The following FARSB variants were observed in gnomAD, a reference collection of about 807,000 sequenced individuals.
FARSB encodes phenylalanyl-tRNA synthetase subunit beta.
Under a neutral mutation model 69.6 loss-of-function variants are expected in FARSB, and 40 were observed. The observed-to-expected ratio is 0.57, with a 90% CI of 0.45 to 0.75. The LOEUF is 0.75. Ranked by LOEUF, FARSB falls within the 30% of genes least tolerant of loss-of-function variation. The probability of loss-of-function intolerance (pLI) is 0.00; values close to 1 mark genes in which losing one functional copy is unlikely to be tolerated. For missense variants in FARSB, 632 were observed against 722.9 expected, an observed-to-expected ratio of 0.87 and a Z score of 1.44; for synonymous variants, 235 against 247.2, an observed-to-expected ratio of 0.95 and a Z score of 0.46.
chr2:222,630,270 A>T (rs1165068929), intron 8 of FARSB, 96 bp from the exon 9 acceptor site: 2 of 637,208 alleles, frequency 3.1e-6, no homozygotes, highest in Non-Finnish European at 5.3e-6. Flanking sequence ...GTGTCCTCAC[A>T]TCTAATGGAC....
intron 5 of FARSB, among the ~76,000 whole-genome samples, chr2:222,637,416 A>G (rs1691611205): frequency 6.6e-6 from 1 of 152,198 alleles, no homozygotes; most frequent in African/African-American, 2.4e-5. Flanking sequence ...CTCTGAAGAT[A>G]TGCAGAGGGT....
At chr2:222,653,584 C>T (rs1254387334) in intron 1 of FARSB, among the ~76,000 whole-genome samples, 1 of 151,980 alleles carries the variant, frequency 6.6e-6, no homozygotes, top group Non-Finnish European at 1.5e-5. Flanking sequence ...CATTTCTGAC[C>T]TCTTGAAAGT....
At chr2:222,621,663 T>C (rs1691139286) in intron 13 of FARSB, among the ~76,000 whole-genome samples, 3 of 152,208 alleles carry the variant, frequency 2.0e-5, no homozygotes, top group Admixed American at 2.0e-4. Context: ...AGTGAGCCAA[T>C]TTAAAAGAAA....
At chr2:222,591,417 T>C (rs1690272443) in intron 16 of FARSB, among the ~76,000 whole-genome samples, 1 of 152,186 alleles carries the variant, frequency 6.6e-6, no homozygotes, top group South Asian at 2.1e-4. Context: ...ATTTAATTGA[T>C]TTATGAATAG....
chr2:222,604,043 C>T lies in FARSB; in HGVS notation c.1463-3960G>A, dbSNP rs188202333. ...CATCCTGGCTAACATGGTGAAACTC[C>T]GTCTCTACTAAAAATACAAAAAAAA... On this transcript the variant is annotated intron_variant, in intron 15 of 16. Coordinates refer to ENST00000281828, the MANE Select transcript of FARSB (RefSeq NM_005687.5). Among the ~76,000 whole-genome samples the T allele has an allele frequency of 1.6e-3, 238 of 151,700 alleles. 1 individual carries two copies. The highest frequency in any genetic ancestry group is 5.3e-3 in the African/African-American group (219 of 41,388).
intron 16 of FARSB, among the ~76,000 whole-genome samples, chr2:222,594,985 T>C (rs1383348151): frequency 6.6e-6 from 1 of 152,366 alleles, no homozygotes; most frequent in East Asian, 1.9e-4. Context: ...TGTTTAATAT[T>C]GCTTTGTCTT....
At chr2:222,590,874 T>C (rs2106189649) in intron 16 of FARSB, among the ~76,000 whole-genome samples, 1 of 152,310 alleles carries the variant, frequency 6.6e-6, no homozygotes, top group Non-Finnish European at 1.5e-5. Flanking sequence ...TATTTTTATG[T>C]ATGTTTTTAA....
chr2:222,619,634 A>T lies in FARSB; in HGVS notation c.1344+11T>A. On this transcript the variant is annotated intron_variant, in intron 14 of 16. Transcript: ENST00000281828. ...TTTTTACATGAATTCTCACCTACTT[A>T]AAATTCTTACCTGAAATTCAGCTGT... 6.9e-7 allele frequency: 1 copy of T among 1,459,104 alleles called. No individual in the cohort carries two copies. Among genetic ancestry groups the T allele is most frequent in the Non-Finnish European group, 9.6e-7 (1 of 1,040,308 alleles). 90.4% of individuals were successfully genotyped at this position (1,459,104 alleles called of 1,614,324 possible). A position where few individuals can be genotyped will look rare whatever the true frequency, so the allele number is the denominator to read the frequency against.
At chr2:222,654,721 C>G (rs142553684) in intron 1 of FARSB, among the ~76,000 whole-genome samples, 1 of 152,316 alleles carries the variant, frequency 6.6e-6, no homozygotes, top group Admixed American at 6.5e-5. Flanking sequence ...TAGGTACTAT[C>G]TAAAAGTACA....
At chr2:222,655,947 T>A (rs1268167582) in intron 1 of FARSB, 69 bp downstream of exon 1, 9 of 1,270,070 alleles carry the variant, frequency 7.1e-6, no homozygotes, top group Non-Finnish European at 1.0e-5. Context: ...GTCGCCACAT[T>A]GCCCTTTTGG....
rs1178615506 is a variant in FARSB at position 222,567,474 on chromosome 2, T to C, written c.*4397A>G. 1.3e-5 allele frequency: 2 copies of C among 152,194 alleles called. No homozygotes were observed. The highest frequency in any genetic ancestry group is 2.1e-4 in the South Asian group (1 of 4,824). 9.4% of individuals were successfully genotyped at this position (152,194 alleles called of 1,614,324 possible). A position where few individuals can be genotyped will look rare whatever the true frequency, so the allele number is the denominator to read the frequency against. On this transcript the variant is annotated 3_prime_UTR_variant, in exon 17 of 17. Coordinates refer to ENST00000281828, the MANE Select transcript of FARSB (RefSeq NM_005687.5). ...AACACCAAGCACAAATAGATTAAGA[T>C]TGAGAAGCAAGATTGTGAGTAATGT... is the stretch of plus-strand genomic sequence containing the variant.
intron 1 of FARSB, among the ~76,000 whole-genome samples, chr2:222,652,536 C>T (rs1574959353): frequency 6.6e-6 from 1 of 152,324 alleles, no homozygotes; most frequent in South Asian, 2.1e-4. Flanking sequence ...TCGGACCTCT[C>T]CATCTGGGGC....
intron 16 of FARSB, among the ~76,000 whole-genome samples, chr2:222,589,288 G>A (rs975157014): frequency 1.4e-4 from 21 of 152,150 alleles, no homozygotes; most frequent in Non-Finnish European, 1.9e-4. Flanking sequence ...AACAAATGGC[G>A]CTGGGAAAAC....
At position 222,622,113 on chromosome 2, in the gene FARSB, G is replaced by C. The variant is rs114156403; in HGVS notation, c.1251+1537C>G. The stretch of plus-strand genomic sequence containing the variant: ...CTTAAATTAACTGCTGTGAAAGACA[G>C]GAATGCCCACTTCACAGGAGTATAC... On this transcript the variant is annotated intron_variant, in intron 13 of 16. Transcript: ENST00000281828. Among the ~76,000 whole-genome samples, 1,330 of 152,266 alleles carry C rather than the reference G, an allele frequency of 8.7e-3. 7 individuals are homozygous for C. The highest frequency in any genetic ancestry group is 0.013 in the Non-Finnish European group (902 of 68,018).
At chr2:222,587,236 A>G (rs2106186013) in intron 16 of FARSB, among the ~76,000 whole-genome samples, 1 of 152,364 alleles carries the variant, frequency 6.6e-6, no homozygotes, top group Admixed American at 6.5e-5. Context: ...TGGAAACTGG[A>G]CAACGTGCTC....
chr2:222,633,078 T>A (rs574207450), intron 7 of FARSB, 121 bp downstream of exon 7: 1 of 667,888 alleles, frequency 1.5e-6, no homozygotes, highest in East Asian at 2.7e-5. Flanking sequence ...ACAAAAGACC[T>A]GAGATACTCA....
At position 222,633,281 on chromosome 2, in the gene FARSB, TA is replaced by T; in HGVS notation, c.632del (p.Leu211TyrfsTer34). Reference sequence around the variant, plus strand: ...ACAGGGGTTTGTTTTCAATGATATGTAAATAATGTTTCAGGTGATTGTCAGT... The same window carrying T: ...ACAGGGGTTTGTTTTCAATGATATGTAATAATGTTTCAGGTGATTGTCAGT... ...YKTDNHLKHYLHIIENKPLYP... is the reference protein window; with the variant it reads ...YKTDNHLKHYXHIIENKPLYP... On this transcript the variant is annotated frameshift_variant, in exon 7 of 17. Coordinates refer to ENST00000281828, the MANE Select transcript of FARSB (RefSeq NM_005687.5). LOFTEE classifies it high-confidence loss of function. 6.4e-7 allele frequency: 1 copy of T among 1,554,980 alleles called. No homozygotes were observed. Among genetic ancestry groups the T allele is most frequent in the Admixed American group, 1.9e-5 (1 of 52,018 alleles).
In FARSB at chr2:222,648,741, A is replaced by G. The variant is rs1445979690; in HGVS notation, c.113T>C (p.Ile38Thr). Residue 38 changes from isoleucine (I) to threonine (T), a missense_variant and splice_region_variant, in exon 2 of 17, where the codon ATT (isoleucine) becomes ACT (threonine). Ile to Thr is a moderately conservative substitution (Grantham distance 89). Coordinates refer to ENST00000281828, the MANE Select transcript of FARSB (RefSeq NM_005687.5). The stretch of plus-strand genomic sequence containing the variant: ...AATAGACAAATATCCAATACATACA[A>G]TTTCATCAAGCTCCAGACCAAATTC... Reference protein sequence around the residue: ...CFEFGLELDEITSEKEIISKE... With the variant: ...CFEFGLELDETTSEKEIISKE... The G allele has an allele frequency of 6.3e-7, 1 of 1,580,992 alleles. No individual in the cohort carries two copies. Among genetic ancestry groups the G allele is most frequent in the Non-Finnish European group, 8.7e-7 (1 of 1,149,980 alleles).
chr2:222,601,951 T>G (rs114842233), intron 15 of FARSB, among the ~76,000 whole-genome samples: 538 of 152,276 alleles, frequency 3.5e-3, no homozygotes, highest in African/African-American at 0.012. Flanking sequence ...TGTGAGCCAC[T>G]GTGCCCAGCT....
Sources: gnomAD v4.1 joint callset for allele counts (sites outside exome capture counted in the v4.1 genomes callset) on GRCh38, gnomAD v4.1.1 for gene constraint, MANE v1.5 for transcripts, NCBI Gene and HGNC (gene_info 2026-07-23, HGNC 2026-07-21) for gene names.